The following TMEM132D variants were observed in gnomAD, a reference collection of about 807,000 sequenced individuals.
TMEM132D encodes transmembrane protein 132D.
In TMEM132D, 21 loss-of-function variants were observed where a neutral mutation model predicts 62.3. The observed-to-expected ratio is 0.34, with a 90% CI of 0.24 to 0.49. The LOEUF (loss-of-function observed/expected upper bound fraction) is 0.49. Ranked by LOEUF, TMEM132D falls within the 20% of genes least tolerant of loss-of-function variation. TMEM132D has a pLI of 0.99. For synonymous variants in TMEM132D, 621 were observed against 575.6 expected (o/e 1.08, Z -1.13); for missense variants, 1,346 against 1,402.8 (o/e 0.96, Z 0.65).
chr12:129,633,651 A>G (rs1435325781), intron 2 of TMEM132D, among the ~76,000 whole-genome samples: 2 of 152,146 alleles, frequency 1.3e-5, no homozygotes, highest in African/African-American at 4.8e-5. Context: ...TCTCTCTTTC[A>G]TGGTGAGAGT....
chr12:129,126,156 T>C (rs1364909007), intron 5 of TMEM132D, among the ~76,000 whole-genome samples: 5 of 152,190 alleles, frequency 3.3e-5, no homozygotes, highest in African/African-American at 2.4e-5. Flanking sequence ...GTCTTTAAAA[T>C]TAGCCAAGGG....
rs117392676 is a variant in TMEM132D, at chr12:129,793,526, C to T, written c.80-92828G>A. Among the ~76,000 whole-genome samples, 290 of 152,260 alleles carry T rather than the reference C, an allele frequency of 1.9e-3. 2 individuals carry two copies. Among genetic ancestry groups the T allele is most frequent in the Non-Finnish European group, 3.6e-3 (244 of 68,028 alleles). Reference sequence around the variant, plus strand: ...AGTAGCTGGGACTACAGACATGTGCCACCATACCCACTTAATTTTTGTATT... The same window carrying T: ...AGTAGCTGGGACTACAGACATGTGCTACCATACCCACTTAATTTTTGTATT... On this transcript the variant is annotated intron_variant, in intron 1 of 8. Transcript: ENST00000422113.
intron 3 of TMEM132D, chr12:129,522,892 T>C (rs1875893714): frequency 6.6e-6 from 1 of 151,990 alleles, no homozygotes; most frequent in Non-Finnish European, 1.5e-5. Flanking sequence ...TAGATATATA[T>C]GTAGACACAG....
chr12:129,774,547 G>A (rs568660428), intron 1 of TMEM132D, among the ~76,000 whole-genome samples: 5 of 152,304 alleles, frequency 3.3e-5, no homozygotes, highest in African/African-American at 9.6e-5. Flanking sequence ...AAATACCAGA[G>A]ATCATTGGTA....
At chr12:129,115,564 G>A (rs1208355962) in intron 5 of TMEM132D, among the ~76,000 whole-genome samples, 2 of 152,122 alleles carry the variant, frequency 1.3e-5, no homozygotes, top group South Asian at 2.1e-4. Flanking sequence ...AATGATACTC[G>A]GAGTATATGA....
At chr12:129,171,252 T>C (rs1877716764) in intron 5 of TMEM132D, among the ~76,000 whole-genome samples, 1 of 152,222 alleles carries the variant, frequency 6.6e-6, no homozygotes, top group African/African-American at 2.4e-5. Flanking sequence ...TCTTCTTCTG[T>C]TCAAGGTTTG....
intron 2 of TMEM132D, among the ~76,000 whole-genome samples, chr12:129,693,640 C>T (rs1268359182): frequency 1.3e-5 from 2 of 152,130 alleles, no homozygotes; most frequent in Non-Finnish European, 2.9e-5. Flanking sequence ...TGGGACCTTA[C>T]GATCAATAGA....
chr12:129,155,298 A>C (rs1323971298), intron 5 of TMEM132D, among the ~76,000 whole-genome samples: 1 of 152,216 alleles, frequency 6.6e-6, no homozygotes, highest in Non-Finnish European at 1.5e-5. Context: ...TGCTACAGGG[A>C]GTACATGCAT....
chr12:129,798,327 T>C (rs778796182), intron 1 of TMEM132D, among the ~76,000 whole-genome samples: 5 of 152,174 alleles, frequency 3.3e-5, no homozygotes, highest in Non-Finnish European at 5.9e-5. Context: ...TCTTTCTCAA[T>C]AGTTTAGCAA....
At chr12:129,320,850 C>G (rs1334593553) in intron 4 of TMEM132D, among the ~76,000 whole-genome samples, 2 of 151,980 alleles carry the variant, frequency 1.3e-5, no homozygotes, top group Admixed American at 1.3e-4. Context: ...CAGGTAAAAT[C>G]AACAGGACTT....
chr12:129,078,189 G>A (rs181075402), intron 8 of TMEM132D, among the ~76,000 whole-genome samples: 36 of 152,364 alleles, frequency 2.4e-4, no homozygotes, highest in Admixed American at 1.8e-3. Context: ...ATGGAAGCAG[G>A]AAGCGTGTGG....
intron 3 of TMEM132D, among the ~76,000 whole-genome samples, chr12:129,425,904 A>C (rs1426140575): frequency 6.6e-6 from 1 of 152,236 alleles, no homozygotes; most frequent in Non-Finnish European, 1.5e-5. Context: ...GCCAACATGG[A>C]AAGAAAAGCT....
At chr12:129,613,342 A>G (rs1878826965) in intron 2 of TMEM132D, among the ~76,000 whole-genome samples, 1 of 152,134 alleles carries the variant, frequency 6.6e-6, no homozygotes, top group African/African-American at 2.4e-5. Flanking sequence ...ATGTAAGTTG[A>G]TGGAGCCGCT....
At chr12:129,420,478 G>A (rs1011375137) in intron 3 of TMEM132D, among the ~76,000 whole-genome samples, 3 of 151,842 alleles carry the variant, frequency 2.0e-5, no homozygotes, top group South Asian at 2.1e-4. Flanking sequence ...GAGTATCATC[G>A]AAGGCTGTCA....
chr12:129,254,454 C>A (rs1377694273), intron 4 of TMEM132D, among the ~76,000 whole-genome samples: 2 of 152,084 alleles, frequency 1.3e-5, no homozygotes, highest in African/African-American at 2.4e-5. Flanking sequence ...TGGTTCAATC[C>A]CAGCTCTGTC....
At chr12:129,621,847 C>A (rs904060764) in intron 2 of TMEM132D, among the ~76,000 whole-genome samples, 1 of 152,182 alleles carries the variant, frequency 6.6e-6, no homozygotes, top group Admixed American at 6.5e-5. Flanking sequence ...GGGACTAGAG[C>A]CCCAGTGCGG....
intron 5 of TMEM132D, among the ~76,000 whole-genome samples, chr12:129,194,079 C>T (rs1404477427): frequency 6.6e-6 from 1 of 152,154 alleles, no homozygotes; most frequent in African/African-American, 2.4e-5. Context: ...CATTACCTAC[C>T]CAGTACCTGT....
chr12:129,645,463 T>G (rs1277886259), intron 2 of TMEM132D, among the ~76,000 whole-genome samples: 11 of 152,234 alleles, frequency 7.2e-5, no homozygotes, highest in Admixed American at 7.2e-4. Context: ...TAACTTTGTA[T>G]GCCTTTTCTC....
At chr12:129,526,052 A>G (rs941079973) in intron 3 of TMEM132D, among the ~76,000 whole-genome samples, 5 of 152,186 alleles carry the variant, frequency 3.3e-5, no homozygotes, top group African/African-American at 7.2e-5. Flanking sequence ...ATTAACAAGC[A>G]TTTCTTTAAG....
Sources: allele counts gnomAD v4.1 joint callset (sites outside exome capture counted in the v4.1 genomes callset), GRCh38; gene constraint gnomAD v4.1.1; transcripts MANE v1.5; gene names NCBI Gene and HGNC (gene_info 2026-07-23, HGNC 2026-07-21).